Variants in AGO2 observed in about 807,000 individuals in gnomAD.
AGO2 encodes the protein argonaute RISC catalytic component 2, also known as protein argonaute-2.
In AGO2, 5 loss-of-function variants were observed where a neutral mutation model predicts 102.3. The observed-to-expected ratio is 0.05, with a 90% CI of 0.03 to 0.10. AGO2 has a LOEUF of 0.10. AGO2 is among the 10% of genes least tolerant of loss of function. AGO2 has a pLI of 1.00. For synonymous variants in AGO2, 449 were observed against 473.1 expected (o/e 0.95, Z 0.66); for missense variants, 541 against 1,183.7 (o/e 0.46, Z 7.97).
At chr8:140,616,603 T>A (rs1194898011) in intron 1 of AGO2, among the ~76,000 whole-genome samples, 1 of 152,258 alleles carries the variant, frequency 6.6e-6, no homozygotes, top group East Asian at 1.9e-4. Flanking sequence ...GTATTATTTA[T>A]AAGAATTAAT....
intron 2 of AGO2, among the ~76,000 whole-genome samples, chr8:140,573,136 A>C (rs1055937983): frequency 6.6e-6 from 1 of 151,478 alleles, no homozygotes; most frequent in Non-Finnish European, 1.5e-5. Context: ...TAACCTCACA[A>C]GTAGCTGGGA....
intron 13 of AGO2, among the ~76,000 whole-genome samples, chr8:140,544,783 C>T (rs1046416906): frequency 6.6e-6 from 1 of 152,238 alleles, no homozygotes; most frequent in Non-Finnish European, 1.5e-5. Context: ...AAGCCTGACA[C>T]CCCAACATGT....
At chr8:140,569,603 G>A (rs2132968082) in intron 3 of AGO2, among the ~76,000 whole-genome samples, 1 of 152,348 alleles carries the variant, frequency 6.6e-6, no homozygotes, top group Non-Finnish European at 1.5e-5. Flanking sequence ...GGGCAGGCAT[G>A]GAGCTGGACC....
intron 11 of AGO2, among the ~76,000 whole-genome samples, chr8:140,550,487 C>G (rs1390237018): frequency 1.3e-5 from 2 of 152,156 alleles, no homozygotes; most frequent in African/African-American, 4.8e-5. Context: ...CTTGGGCCTC[C>G]TAGAGGGCCT....
rs894463331 is a variant in AGO2, at chr8:140,539,648, G to A, written c.2035-194C>T. Among the ~76,000 whole-genome samples, 5 of 152,194 alleles carry A rather than the reference G, an allele frequency of 3.3e-5. No individual in the cohort carries two copies. The highest frequency in any genetic ancestry group is 5.9e-5 in the Non-Finnish European group (4 of 68,042). ...GGGAGGACTGGATGCAGGAAGCGGG[G>A]GCTTGGCACTCAGGAATGGGAAGAA... On this transcript the variant is annotated intron_variant, in intron 15 of 18. Coordinates refer to ENST00000220592, the MANE Select transcript of AGO2 (RefSeq NM_012154.5). The surrounding 1 kb of genome is among the most constrained non-coding windows in gnomAD (Gnocchi z 4.7).
Position 140,528,314 on chromosome 8 carries a change from G to T in AGO2, c.*3730C>A, listed in dbSNP as rs981558989. The T allele has an allele frequency of 6.6e-6, 1 of 152,034 alleles. No homozygotes were observed. Among genetic ancestry groups the T allele is most frequent in the Admixed American group, 6.6e-5 (1 of 15,262 alleles). The allele number at this position is 152,034 out of a possible 1,614,324, so 9.4% of individuals were successfully genotyped here. A position where few individuals can be genotyped will look rare whatever the true frequency, so the allele number is the denominator to read the frequency against. On this transcript the variant is annotated 3_prime_UTR_variant, in exon 19 of 19. Coordinates refer to ENST00000220592, the MANE Select transcript of AGO2 (RefSeq NM_012154.5). This position sits in a 1 kb window ranked among gnomAD's most constrained non-coding sequence, Gnocchi z 4.5. ...GTGTCGGCCAAACCAAACCAGAGCA[G>T]AAAGGAAAAAATAAATAGCAATATT...
At chr8:140,579,474 G>C (rs2073518291) in intron 2 of AGO2, among the ~76,000 whole-genome samples, 1 of 152,086 alleles carries the variant, frequency 6.6e-6, no homozygotes, top group South Asian at 2.1e-4. Context: ...ACTAGGTCTA[G>C]AACTACAGAC....
chr8:140,562,303 TTTGTG>T lies in AGO2; in HGVS notation c.518+145_518+149del, dbSNP rs549271074. 4.2e-4 allele frequency: 399 copies of T among 960,964 alleles called. 1 individual carries two copies. The highest frequency in any genetic ancestry group is 5.7e-4 in the Non-Finnish European group (382 of 667,802). The allele number at this position is 960,964 out of a possible 1,614,324, so 59.5% of individuals were successfully genotyped here. The stretch of plus-strand genomic sequence containing the variant: ...TAACACTGTTTCCACCTTAGCACCA[TTTGTG>T]TTATCTTCATCACAGAAAACCCACG... On this transcript the variant is annotated intron_variant, in intron 4 of 18. Transcript: ENST00000220592.
At chr8:140,614,842 G>A (rs931879386) in intron 1 of AGO2, among the ~76,000 whole-genome samples, 16 of 152,316 alleles carry the variant, frequency 1.1e-4, no homozygotes, top group East Asian at 5.8e-4. Flanking sequence ...AGCATTCGCC[G>A]TGCCCTCGGT....
intron 1 of AGO2, among the ~76,000 whole-genome samples, chr8:140,585,754 A>T (rs2073646056): frequency 6.6e-6 from 1 of 152,222 alleles, no homozygotes; most frequent in South Asian, 2.1e-4. Flanking sequence ...TTCAAAATGT[A>T]GATTTAGAAA....
At chr8:140,568,120 A>G (rs1263288561) in intron 3 of AGO2, among the ~76,000 whole-genome samples, 80 of 141,210 alleles carry the variant, frequency 5.7e-4, no homozygotes, top group African/African-American at 1.7e-3. Context: ...AAAAAAAAAA[A>G]AAAAGAAAAG....
At chr8:140,638,619 A>C (rs1182869877), upstream of AGO2, among the ~76,000 whole-genome samples, 1 of 152,208 alleles carries the variant, frequency 6.6e-6, no homozygotes, top group Non-Finnish European at 1.5e-5. Context: ...GGATCACCAA[A>C]GTGAAAGTGT....
At position 140,520,705 on chromosome 8, in the gene AGO2, A is replaced by AG. The variant is rs1439881239; in HGVS notation, c.*11338_*11339insC. The AG allele has an allele frequency of 6.6e-6, 1 of 151,416 alleles. No homozygotes were observed. Among genetic ancestry groups the AG allele is most frequent in the Non-Finnish European group, 1.5e-5 (1 of 67,838 alleles). 9.4% of individuals were successfully genotyped at this position (151,416 alleles called of 1,614,324 possible). A position where few individuals can be genotyped will look rare whatever the true frequency, so the allele number is the denominator to read the frequency against. Reference sequence around the variant, plus strand: ...TTCTGAGGTCTGTGTTGGGGGAAAAAAAAAAAGGTGACATGATTTTTAACC... The same window carrying AG: ...TTCTGAGGTCTGTGTTGGGGGAAAAAGAAAAAAGGTGACATGATTTTTAACC... On this transcript the variant is annotated 3_prime_UTR_variant, in exon 19 of 19. Coordinates refer to ENST00000220592, the MANE Select transcript of AGO2 (RefSeq NM_012154.5).
intron 1 of AGO2, among the ~76,000 whole-genome samples, chr8:140,616,616 T>C (rs981399009): frequency 2.6e-5 from 4 of 152,270 alleles, no homozygotes; most frequent in African/African-American, 9.6e-5. Flanking sequence ...GAATTAATGA[T>C]GGCAATCACT....
At chr8:140,588,262 C>T (rs1461913899) in intron 1 of AGO2, among the ~76,000 whole-genome samples, 1 of 152,166 alleles carries the variant, frequency 6.6e-6, no homozygotes, top group Non-Finnish European at 1.5e-5. Context: ...CAAATCCTTT[C>T]ATTCAGGAAT....
intron 1 of AGO2, among the ~76,000 whole-genome samples, chr8:140,597,182 G>A (rs1588492000): frequency 6.6e-6 from 1 of 152,212 alleles, no homozygotes; most frequent in Non-Finnish European, 1.5e-5. Context: ...AGCTCTGGCA[G>A]GGACGTTCCC....
At chr8:140,538,888 C>G (rs2072743213) in intron 16 of AGO2, among the ~76,000 whole-genome samples, 1 of 152,130 alleles carries the variant, frequency 6.6e-6, no homozygotes. Flanking sequence ...ATGGCTTAAG[C>G]CCAGGAGTTT....
At chr8:140,533,453 T>C (rs904638531) in intron 17 of AGO2, among the ~76,000 whole-genome samples, 9 of 151,678 alleles carry the variant, frequency 5.9e-5, no homozygotes, top group Admixed American at 5.3e-4. Flanking sequence ...ACAGTGCCAT[T>C]TGTGTATCTT....
rs2132931628 is a variant in AGO2, at chr8:140,557,243, A to G, written c.879-7T>C. ...CTCCTGCTGCAGCGGGAATCTGAGG[A>G]GCAAAGGGGCTGTTCAGGCCGAGGG... On this transcript the variant is annotated splice_polypyrimidine_tract_variant and splice_region_variant and intron_variant, in intron 7 of 18. Transcript: ENST00000220592. This position sits in a 1 kb window ranked among gnomAD's most constrained non-coding sequence, Gnocchi z 5.9. 6.2e-7 allele frequency: 1 copy of G among 1,611,680 alleles called. No individual in the cohort carries two copies. Among genetic ancestry groups the G allele is most frequent in the Non-Finnish European group, 8.5e-7 (1 of 1,178,664 alleles).
Sources: gnomAD v4.1 joint callset for allele counts (sites outside exome capture counted in the v4.1 genomes callset) on GRCh38, gnomAD v4.1.1 for gene constraint, Gnocchi (gnomAD v3.1) non-coding constraint, MANE v1.5 for transcripts, NCBI Gene and HGNC (gene_info 2026-07-23, HGNC 2026-07-21) for gene names.